The following NIBAN1 variants were observed in gnomAD, a reference collection of about 807,000 sequenced individuals.
NIBAN1 encodes niban apoptosis regulator 1, also known as protein Niban 1.
NIBAN1 carries 81 observed loss-of-function variants against 75.1 expected under a neutral mutation model. The observed-to-expected ratio is 1.08, with a 90% CI of 0.90 to 1.30. The LOEUF (loss-of-function observed/expected upper bound fraction) is 1.30. Among genes scored for constraint, NIBAN1 ranks in the 50% most tolerant of loss-of-function variants. The pLI is 0.00. For missense variants in NIBAN1, 1,133 were observed against 1,128.1 expected (o/e 1.00, Z -0.06); for synonymous variants, 436 against 424.8 (o/e 1.03, Z -0.32).
chr1:184,870,186 C>T (rs973504918), intron 5 of NIBAN1, among the ~76,000 whole-genome samples: 3 of 152,178 alleles, frequency 2.0e-5, no homozygotes, highest in African/African-American at 7.2e-5. Flanking sequence ...TTACAATATG[C>T]TAAAAGTTTT....
intron 6 of NIBAN1, 121 bp downstream of exon 6, chr1:184,831,726 T>C (rs1655004950): frequency 1.4e-6 from 1 of 701,168 alleles, no homozygotes; most frequent in Admixed American, 2.6e-5. Context: ...AGATGGTCTT[T>C]GGAACCACAT....
At chr1:184,958,777 T>G (rs565378701) in intron 1 of NIBAN1, among the ~76,000 whole-genome samples, 9 of 152,372 alleles carry the variant, frequency 5.9e-5, no homozygotes, top group Admixed American at 3.9e-4. Flanking sequence ...CTTACTTACT[T>G]TAAATGTAAA....
intron 2 of NIBAN1, among the ~76,000 whole-genome samples, chr1:184,897,194 G>A (rs900870945): frequency 6.6e-6 from 1 of 151,536 alleles, no homozygotes; most frequent in Non-Finnish European, 1.5e-5. Context: ...GTTTCCATTA[G>A]TTTGTGTTGC....
chr1:184,899,564 G>T (rs936289339), intron 1 of NIBAN1, among the ~76,000 whole-genome samples: 1 of 151,964 alleles, frequency 6.6e-6, no homozygotes, highest in Non-Finnish European at 1.5e-5. Context: ...AGACCCTAAG[G>T]ACTAAATTGA....
chr1:184,852,730 C>T (rs887613287), intron 5 of NIBAN1, among the ~76,000 whole-genome samples: 4 of 152,302 alleles, frequency 2.6e-5, no homozygotes, highest in African/African-American at 4.8e-5. Flanking sequence ...CATAAAGTTC[C>T]GTCTTCAAGG....
chr1:184,967,714 A>G lies in NIBAN1; in HGVS notation c.55+6588T>C, dbSNP rs1658832868. Reference sequence around the variant, plus strand: ...GCACCTTTGATGATGTGGCCCTCTTACAGCCAACGTCCATAGTAAAAAGAA... The same window carrying G: ...GCACCTTTGATGATGTGGCCCTCTTGCAGCCAACGTCCATAGTAAAAAGAA... On this transcript the variant is annotated intron_variant, in intron 1 of 13. Transcript: ENST00000367511. 2.0e-5 allele frequency among the ~76,000 whole-genome samples: 3 copies of G among 152,228 alleles called. No individual in the cohort carries two copies. In the South Asian group the frequency reaches 6.2e-4, roughly 32 times the overall value.
chr1:184,842,871 T>C (rs1050796657), intron 5 of NIBAN1, among the ~76,000 whole-genome samples: 5 of 151,910 alleles, frequency 3.3e-5, no homozygotes, highest in Admixed American at 6.5e-5. Context: ...CTTCAGGTAA[T>C]TCTGTTGCAG....
At chr1:184,896,924 C>T (rs1656815149) in intron 2 of NIBAN1, among the ~76,000 whole-genome samples, 1 of 152,080 alleles carries the variant, frequency 6.6e-6, no homozygotes, top group Admixed American at 6.6e-5. Context: ...GTACCAGTAC[C>T]ATGCTGATTT....
intron 11 of NIBAN1, among the ~76,000 whole-genome samples, chr1:184,804,780 T>G (rs1654145329): frequency 6.6e-6 from 1 of 151,892 alleles, no homozygotes; most frequent in South Asian, 2.1e-4. Flanking sequence ...GTGTTTTTTT[T>G]TTTGTTTTTT....
intron 5 of NIBAN1, chr1:184,868,628 A>G (rs1313809118): frequency 2.6e-5 from 4 of 152,248 alleles, no homozygotes; most frequent in Non-Finnish European, 2.9e-5. Flanking sequence ...TTGATGTAGC[A>G]GCTCATGTCC....
At chr1:184,856,515 A>T (rs955724015) in intron 5 of NIBAN1, among the ~76,000 whole-genome samples, 3 of 152,184 alleles carry the variant, frequency 2.0e-5, no homozygotes, top group South Asian at 4.1e-4. Flanking sequence ...ATGGGGAAAA[A>T]TTTTAAGCTG....
At chr1:184,870,458 A>T (rs761080149) in intron 5 of NIBAN1, among the ~76,000 whole-genome samples, 16 of 152,180 alleles carry the variant, frequency 1.1e-4, no homozygotes, top group South Asian at 2.1e-4. Flanking sequence ...TGAAACATGG[A>T]TCCCTAAAAT....
intron 5 of NIBAN1, among the ~76,000 whole-genome samples, chr1:184,845,074 T>C (rs1243810934): frequency 6.6e-6 from 1 of 152,258 alleles, no homozygotes; most frequent in Non-Finnish European, 1.5e-5. Context: ...CTGGGTTATC[T>C]GAGCCCACAA....
intron 5 of NIBAN1, among the ~76,000 whole-genome samples, chr1:184,882,959 A>T (rs960608406): frequency 6.6e-6 from 1 of 152,230 alleles, no homozygotes; most frequent in East Asian, 1.9e-4. Flanking sequence ...CTAACTAGTT[A>T]TGATCCAGTA....
intron 1 of NIBAN1, among the ~76,000 whole-genome samples, chr1:184,946,308 G>C (rs576619526): frequency 6.6e-6 from 1 of 152,330 alleles, no homozygotes; most frequent in Admixed American, 6.5e-5. Flanking sequence ...ACAGAAAAAG[G>C]AAGCTGAGGA....
At position 184,923,276 on chromosome 1, in the gene NIBAN1, T is replaced by C. The variant is rs148238157; in HGVS notation, c.56-23967A>G. On this transcript the variant is annotated intron_variant, in intron 1 of 13. Transcript: ENST00000367511. ...AGGTAGGGGTCTAGTTTCATTCTTCTGCGTATGGACCTCCAGCTTTCCTAG... is the reference window on the plus strand; with the variant it reads ...AGGTAGGGGTCTAGTTTCATTCTTCCGCGTATGGACCTCCAGCTTTCCTAG... Among the ~76,000 whole-genome samples the C allele has an allele frequency of 4.6e-3, 698 of 152,366 alleles. 4 individuals carry two copies. Among genetic ancestry groups the C allele is most frequent in the Non-Finnish European group, 8.0e-3 (541 of 68,042 alleles).
In NIBAN1 at chr1:184,974,297, C is replaced by G. The variant is rs1238146716; in HGVS notation, c.55+5G>C. On this transcript the variant is annotated splice_donor_5th_base_variant and intron_variant, in intron 1 of 13. Transcript: ENST00000367511. ...CTCCCCAGGCCCCCGGGCGGGCGGG[C>G]GTACCTCGGATGTAAGCGCACTTGC... is the stretch of plus-strand genomic sequence containing the variant. 6.4e-7 allele frequency: 1 copy of G among 1,558,186 alleles called. No homozygotes were observed. Among genetic ancestry groups the G allele is most frequent in the Non-Finnish European group, 8.6e-7 (1 of 1,159,348 alleles).
intron 1 of NIBAN1, among the ~76,000 whole-genome samples, chr1:184,916,314 T>G: frequency 6.6e-6 from 1 of 152,228 alleles, no homozygotes; most frequent in East Asian, 1.9e-4. Flanking sequence ...TTGTAATAGG[T>G]AAATACATTA....
intron 1 of NIBAN1, among the ~76,000 whole-genome samples, chr1:184,947,021 C>T (rs1295887440): frequency 6.6e-6 from 1 of 151,166 alleles, no homozygotes; most frequent in South Asian, 2.1e-4. Context: ...TGTGGTGAGC[C>T]AAGACCGCGC....
Sources: gnomAD v4.1 joint callset for allele counts (sites outside exome capture counted in the v4.1 genomes callset) on GRCh38, gnomAD v4.1.1 for gene constraint, MANE v1.5 for transcripts, NCBI Gene and HGNC (gene_info 2026-07-23, HGNC 2026-07-21) for gene names.